Variants in TIAM2 observed in about 807,000 individuals in gnomAD.
TIAM2 encodes rho guanine nucleotide exchange factor TIAM2.
TIAM2 carries 80 observed loss-of-function variants against 152.9 expected under a neutral mutation model. That is an observed-to-expected ratio of 0.52 (90% CI 0.44 to 0.63). The LOEUF is 0.63. TIAM2 is among the 30% of genes least tolerant of loss of function. TIAM2 has a pLI of 0.00. For missense variants in TIAM2, 1,965 were observed against 2,120.1 expected, an observed-to-expected ratio of 0.93 and a Z score of 1.44; for synonymous variants, 804 against 838.0, an observed-to-expected ratio of 0.96 and a Z score of 0.70.
chr6:155,225,079 G>A (rs927697374), intron 15 of TIAM2, among the ~76,000 whole-genome samples: 1 of 152,024 alleles, frequency 6.6e-6, no homozygotes, highest in Non-Finnish European at 1.5e-5. Flanking sequence ...CCTCAGCCTC[G>A]CATGTAGCTG....
At chr6:155,075,742 G>A (rs1048584592) in intron 1 of TIAM2, among the ~76,000 whole-genome samples, 1 of 152,178 alleles carries the variant, frequency 6.6e-6, no homozygotes, top group East Asian at 1.9e-4. Flanking sequence ...TTTTATATTC[G>A]AAAGAATTTT....
chr6:155,172,469 C>T lies in TIAM2; in HGVS notation c.2362-4347C>T, dbSNP rs370630011. On this transcript the variant is annotated intron_variant, in intron 9 of 26. Coordinates refer to ENST00000682666, the MANE Select transcript of TIAM2 (RefSeq NM_012454.4). Reference sequence around the variant, plus strand: ...TCCCATCAGTCTCCTAACCACCCCACGAGGCTGGCGTTTTTAACCTCTTTT... The same window carrying T: ...TCCCATCAGTCTCCTAACCACCCCATGAGGCTGGCGTTTTTAACCTCTTTT... 1.1e-4 allele frequency among the ~76,000 whole-genome samples: 17 copies of T among 151,576 alleles called. No individual in the cohort carries two copies. The South Asian group carries it at 3.1e-3, about 28-fold the overall frequency.
intron 1 of TIAM2, among the ~76,000 whole-genome samples, chr6:155,053,466 C>CATT (rs1554227104): frequency 3.9e-5 from 5 of 127,280 alleles, no homozygotes; most frequent in Admixed American, 8.3e-5. Context: ...ATTCTTGCAG[C>CATT]TTTTTTTTTT....
In TIAM2 at chr6:155,240,527, CAG is replaced by C; in HGVS notation, c.3169_3170del. 1 of 1,602,296 alleles carries C rather than the reference CAG, an allele frequency of 6.2e-7. No individual in the cohort carries two copies. The highest frequency in any genetic ancestry group is 8.5e-7 in the Non-Finnish European group (1 of 1,171,358). On this transcript the variant is annotated splice_acceptor_variant, in intron 15 of 26. Coordinates refer to ENST00000682666, the MANE Select transcript of TIAM2 (RefSeq NM_012454.4). LOFTEE classifies it high-confidence loss of function. ...TTATTTTCCACCTCTTGTCCTCTCT[CAG>C]AGTGCTGAGCAGATCACTGCACTGT...
intron 1 of TIAM2, among the ~76,000 whole-genome samples, chr6:155,032,384 G>A (rs918703671): frequency 1.3e-5 from 2 of 152,132 alleles, no homozygotes; most frequent in Non-Finnish European, 2.9e-5. Context: ...TATGTCATGC[G>A]TGGCATTAAT....
At chr6:155,000,995 CA>C (rs977867413) in intron 1 of TIAM2, among the ~76,000 whole-genome samples, 1 of 151,802 alleles carries the variant, frequency 6.6e-6, no homozygotes, top group Non-Finnish European at 1.5e-5. Context: ...AACAAACAAA[CA>C]AAAAAAGAAA....
At position 155,054,437 on chromosome 6, in the gene TIAM2, T is replaced by C. The variant is rs545635342; in HGVS notation, c.-208-35852T>C. Among the ~76,000 whole-genome samples the C allele has an allele frequency of 2.6e-5, 4 of 152,020 alleles. No homozygotes were observed. In the South Asian group the frequency reaches 8.3e-4, roughly 31 times the overall value. On this transcript the variant is annotated intron_variant, in intron 1 of 26. Transcript: ENST00000682666. ...TAATAGTCAGCGACAATCTCAGATA[T>C]AGAAATTAGGTGAGGGGGAAGAAGG...
chr6:155,146,768 A>ATTTTTTTTTTTT (rs373361803), intron 6 of TIAM2, among the ~76,000 whole-genome samples: 14 of 135,884 alleles, frequency 1.0e-4, no homozygotes, highest in African/African-American at 2.2e-4. Flanking sequence ...TGCCTGGCTA[A>ATTTTTTTTTTTT]TTTTTTTTTT....
Position 155,129,089 on chromosome 6 carries a change from C to A in TIAM2, c.-6-129C>A. On this transcript the variant is annotated intron_variant, in intron 3 of 26. Transcript: ENST00000682666. The surrounding 1 kb of genome is among the most constrained non-coding windows in gnomAD (Gnocchi z 4.8). ...CTGTTCTACTGACTGACTCTTGTCC[C>A]TACTCCTCTGAGTCCTTCCAGGCAC... The A allele has an allele frequency of 2.5e-6, 2 of 811,728 alleles. No individual in the cohort carries two copies. The highest frequency in any genetic ancestry group is 1.9e-6 in the Non-Finnish European group (1 of 524,512). The allele number at this position is 811,728 out of a possible 1,614,324, so 50.3% of individuals were successfully genotyped here.
intron 15 of TIAM2, among the ~76,000 whole-genome samples, chr6:155,230,765 C>T (rs1184636087): frequency 7.0e-6 from 1 of 142,494 alleles, no homozygotes; most frequent in Non-Finnish European, 1.5e-5. Context: ...TTATAAAAAT[C>T]TATGCATACA....
intron 15 of TIAM2, chr6:155,232,988 C>T (rs1193305498): frequency 6.6e-6 from 1 of 152,150 alleles, no homozygotes; most frequent in Non-Finnish European, 1.5e-5. Flanking sequence ...TTTCTGAGCC[C>T]AAGCAACACA....
intron 7 of TIAM2, among the ~76,000 whole-genome samples, chr6:155,159,238 T>A (rs1208618975): frequency 1.3e-5 from 2 of 152,180 alleles, no homozygotes; most frequent in African/African-American, 4.8e-5. Context: ...GGCCACTGAG[T>A]GAGAGTGTGG....
chr6:155,106,969 T>C (rs1327013055), intron 2 of TIAM2, among the ~76,000 whole-genome samples: 1 of 152,200 alleles, frequency 6.6e-6, no homozygotes, highest in African/African-American at 2.4e-5. Context: ...CAAAAATATA[T>C]CCAGCATTGC....
At chr6:155,010,445 A>T (rs1450420877) in intron 1 of TIAM2, among the ~76,000 whole-genome samples, 1 of 152,086 alleles carries the variant, frequency 6.6e-6, no homozygotes, top group Non-Finnish European at 1.5e-5. Context: ...AATTTAACCC[A>T]TTTTAATTTT....
chr6:155,125,543 A>G (rs62427110), intron 2 of TIAM2, among the ~76,000 whole-genome samples: 2,619 of 152,272 alleles, frequency 0.017, 29 homozygotes, highest in Non-Finnish European at 0.025. Context: ...GGTTCTGTAA[A>G]GAATTAAAAA....
intron 2 of TIAM2, among the ~76,000 whole-genome samples, chr6:155,106,756 A>C (rs926799528): frequency 4.6e-5 from 7 of 152,214 alleles, no homozygotes; most frequent in African/African-American, 1.7e-4. Flanking sequence ...CCGTGTTCCT[A>C]TGGAACTTCG....
chr6:155,068,807 G>A (rs961965546), intron 1 of TIAM2, among the ~76,000 whole-genome samples: 21 of 152,156 alleles, frequency 1.4e-4, no homozygotes, highest in African/African-American at 4.3e-4. Context: ...ATCTCGCCAT[G>A]TTGCCCAGAC....
At chr6:155,106,756 A>G (rs926799528) in intron 2 of TIAM2, among the ~76,000 whole-genome samples, 2 of 152,332 alleles carry the variant, frequency 1.3e-5, no homozygotes, top group Non-Finnish European at 1.5e-5. Flanking sequence ...CCGTGTTCCT[A>G]TGGAACTTCG....
chr6:155,066,693 T>A (rs1216166943), intron 1 of TIAM2, among the ~76,000 whole-genome samples: 2 of 152,356 alleles, frequency 1.3e-5, no homozygotes, highest in African/African-American at 4.8e-5. Flanking sequence ...ATAATTTTTT[T>A]GGCATACCTT....
Sources: allele counts gnomAD v4.1 joint callset (sites outside exome capture counted in the v4.1 genomes callset), GRCh38; gene constraint gnomAD v4.1.1; non-coding constraint Gnocchi (gnomAD v3.1); transcripts MANE v1.5; gene names NCBI Gene and HGNC (gene_info 2026-07-23, HGNC 2026-07-21).